Variants in DNAI2 observed in about 807,000 individuals in gnomAD.
The protein encoded by DNAI2 is dynein axonemal intermediate chain 2, also known as dynein, axonemal, intermediate polypeptide 2.
Under a neutral mutation model 74.7 loss-of-function variants are expected in DNAI2, and 63 were observed. The observed-to-expected ratio is 0.84, with a 90% CI of 0.69 to 1.04. DNAI2 has a LOEUF of 1.04. DNAI2 is among the 50% of genes least tolerant of loss of function. DNAI2 has a pLI of 0.00. For missense variants in DNAI2, 688 were observed against 803.2 expected, an observed-to-expected ratio of 0.86 and a Z score of 1.73; for synonymous variants, 289 against 314.9, an observed-to-expected ratio of 0.92 and a Z score of 0.87.
At position 74,281,808 on chromosome 17, in the gene DNAI2, A is replaced by G. The variant is rs1285619931; in HGVS notation, c.-10A>G. The stretch of plus-strand genomic sequence containing the variant: ...CCACACCCTCCCTCTGCCCCCCAGC[A>G]GCCGGCACCATGGAGATTGTGTACG... On this transcript the variant is annotated splice_region_variant and 5_prime_UTR_variant, in exon 2 of 14. Transcript: ENST00000311014. The G allele has an allele frequency of 5.7e-5, 92 of 1,613,418 alleles. No homozygotes were observed. The Admixed American group carries it at 1.5e-3, about 26-fold the overall frequency.
At chr17:74,309,518 C>A in intron 10 of DNAI2, 130 bp downstream of exon 10, 1 of 1,316,662 alleles carries the variant, frequency 7.6e-7, no homozygotes, top group Non-Finnish European at 1.1e-6. Context: ...TGTGGGGGAG[C>A]CGTGTGCAGG....
At chr17:74,283,517 C>T (rs1022556209) in intron 2 of DNAI2, among the ~76,000 whole-genome samples, 6 of 151,468 alleles carry the variant, frequency 4.0e-5, no homozygotes, top group Admixed American at 3.3e-4. Context: ...TGGAGGCGGG[C>T]GGATTGCTTA....
rs1162056202 is a variant in DNAI2 at position 74,304,197 on chromosome 17, T to C, written c.988-1022T>C. On this transcript the variant is annotated intron_variant, in intron 8 of 13. Transcript: ENST00000311014. ...TCTTTTTCTTTTTTCTTTTTTTTTTTTTTTTTTTTTTTTTTGAGGTAGGGC... is the reference window on the plus strand; with the variant it reads ...TCTTTTTCTTTTTTCTTTTTTTTTTCTTTTTTTTTTTTTTTGAGGTAGGGC... 8.8e-4 allele frequency among the ~76,000 whole-genome samples: 113 copies of C among 128,776 alleles called. 1 individual carries two copies. In the East Asian group the frequency reaches 0.011, roughly 13 times the overall value. The allele number at this position is 128,776 out of a possible 152,430, so 84.5% of individuals were successfully genotyped here.
intron 1 of DNAI2, among the ~76,000 whole-genome samples, chr17:74,279,578 A>G (rs189433992): frequency 1.8e-4 from 28 of 152,284 alleles, no homozygotes; most frequent in African/African-American, 6.5e-4. Context: ...TCCAGGCTGG[A>G]GTGCAGTGGC....
At chr17:74,294,472 G>A (rs956441165) in intron 6 of DNAI2, among the ~76,000 whole-genome samples, 2 of 151,824 alleles carry the variant, frequency 1.3e-5, no homozygotes, top group African/African-American at 4.8e-5. Context: ...ACCACACTCA[G>A]CTACTTTTTT....
intron 4 of DNAI2, 33 bp downstream of exon 4, chr17:74,287,131 C>G: frequency 1.9e-6 from 3 of 1,611,690 alleles, no homozygotes; most frequent in Non-Finnish European, 2.5e-6. Context: ...GTCTGGCCAC[C>G]CTCCGTCACC....
rs761552228 is a variant in DNAI2, at chr17:74,299,788, T to C, written c.795T>C (p.Pro265=). 6.2e-7 allele frequency: 1 copy of C among 1,611,820 alleles called. No homozygotes were observed. The highest frequency in any genetic ancestry group is 8.5e-7 in the Non-Finnish European group (1 of 1,179,632). ...LSTIESSHRD[P]VYGTIWLQSK... ...CCATTGAGTCCAGCCACCGAGACCC[T>C]GTGTATGGCACCATCTGGCTGCAGT... Residue 265 remains proline, a synonymous_variant, in exon 7 of 14, where the codon CCT becomes CCC. Transcript: ENST00000311014.
At chr17:74,299,659 G>A (rs1434665784) in intron 6 of DNAI2, 59 bp from the exon 7 acceptor site, 24 of 1,607,190 alleles carry the variant, frequency 1.5e-5, no homozygotes, top group Non-Finnish European at 2.0e-5. Flanking sequence ...CCTGCTCCCT[G>A]CCCTAAGGAA....
intron 9 of DNAI2, 105 bp downstream of exon 9, chr17:74,305,547 GA>G: frequency 9.6e-7 from 1 of 1,040,532 alleles, no homozygotes; most frequent in Non-Finnish European, 1.4e-6. Context: ...GTAAAATGGA[GA>G]AAAACCTTTC....
chr17:74,311,351 C>G (rs181933227), intron 11 of DNAI2, among the ~76,000 whole-genome samples: 1 of 152,112 alleles, frequency 6.6e-6, no homozygotes, highest in Non-Finnish European at 1.5e-5. Context: ...TGGTGGCTCA[C>G]GCCTGTAATC....
At chr17:74,307,574 C>T (rs996825107) in intron 9 of DNAI2, among the ~76,000 whole-genome samples, 9 of 151,844 alleles carry the variant, frequency 5.9e-5, no homozygotes, top group Admixed American at 2.0e-4. Context: ...GAGGCCGAGG[C>T]GGGTGGATCA....
intron 6 of DNAI2, among the ~76,000 whole-genome samples, chr17:74,295,130 C>T (rs915967721): frequency 2.0e-5 from 3 of 151,178 alleles, no homozygotes; most frequent in African/African-American, 4.9e-5. Context: ...TGTGGTGGCT[C>T]GTGCCTGGAA....
intron 2 of DNAI2, 122 bp from the exon 3 acceptor site, chr17:74,284,918 C>A: frequency 7.8e-7 from 1 of 1,280,582 alleles, no homozygotes; most frequent in Non-Finnish European, 1.1e-6. Flanking sequence ...AATACTGTGG[C>A]TCCGGCCAGG....
chr17:74,308,692 T>TCAA (rs1250148472), intron 9 of DNAI2, among the ~76,000 whole-genome samples: 1 of 152,118 alleles, frequency 6.6e-6, no homozygotes, highest in African/African-American at 2.4e-5. Flanking sequence ...CGGCTAATTT[T>TCAA]TTTATTTTTT....
At chr17:74,309,918 T>C (rs1006753803) in intron 10 of DNAI2, 99 bp from the exon 11 acceptor site, 2 of 1,522,092 alleles carry the variant, frequency 1.3e-6, no homozygotes, top group Admixed American at 1.7e-5. Flanking sequence ...GATGTTTGAA[T>C]AGGGCCAAGT....
At chr17:74,298,507 A>T (rs547227810) in intron 6 of DNAI2, among the ~76,000 whole-genome samples, 34 of 151,976 alleles carry the variant, frequency 2.2e-4, no homozygotes, top group Admixed American at 1.2e-3. Context: ...GGGTTTCATC[A>T]TGTTGGCCAG....
intron 3 of DNAI2, among the ~76,000 whole-genome samples, chr17:74,285,938 GTGCC>G (rs1203762215): frequency 6.3e-5 from 9 of 143,066 alleles, no homozygotes; most frequent in Non-Finnish European, 1.2e-4. Context: ...AAGGAGATGA[GTGCC>G]ATATACACAC....
At chr17:74,275,544 G>A (rs2051016404) in intron 1 of DNAI2, among the ~76,000 whole-genome samples, 1 of 152,132 alleles carries the variant, frequency 6.6e-6, no homozygotes, top group East Asian at 1.9e-4. Context: ...GCCCAACATG[G>A]TGAAACCCCA....
chr17:74,287,483 C>G (rs1436012828), intron 4 of DNAI2, among the ~76,000 whole-genome samples: 1 of 152,128 alleles, frequency 6.6e-6, no homozygotes, highest in Non-Finnish European at 1.5e-5. Context: ...AAGTTTGACA[C>G]CAGGGATTCA....
Sources: allele counts gnomAD v4.1 joint callset (sites outside exome capture counted in the v4.1 genomes callset), GRCh38; gene constraint gnomAD v4.1.1; transcripts MANE v1.5; gene names NCBI Gene and HGNC (gene_info 2026-07-23, HGNC 2026-07-21).